The following CCR3 variants were observed in gnomAD, a reference collection of about 807,000 sequenced individuals.
CCR3 encodes the protein C-C motif chemokine receptor 3, also known as C-C chemokine receptor type 3.
For missense variants in CCR3, 419 were observed against 437.5 expected (o/e 0.96, Z 0.38); for synonymous variants, 203 against 179.2 (o/e 1.13, Z -1.06).
chr3:46,244,607 G>C (rs1051073110), intron 1 of CCR3, among the ~76,000 whole-genome samples: 1 of 152,212 alleles, frequency 6.6e-6, no homozygotes, highest in African/African-American at 2.4e-5. Flanking sequence ...TTTGAGCCAG[G>C]ATGAGCCAGG....
intron 1 of CCR3, chr3:46,264,241 G>A (rs777280971): frequency 9.2e-5 from 57 of 618,264 alleles, no homozygotes; most frequent in Non-Finnish European, 1.3e-4. Context: ...TTTGCTTTTT[G>A]CATGTTACCA....
intron 2 of CCR3, among the ~76,000 whole-genome samples, chr3:46,226,110 T>A (rs190694635): frequency 9.2e-5 from 14 of 152,334 alleles, no homozygotes; most frequent in African/African-American, 1.2e-4. Flanking sequence ...ATCAGGTAAG[T>A]GATTCCTCTC....
At chr3:46,255,151 T>C (rs1700395890) in intron 1 of CCR3, among the ~76,000 whole-genome samples, 1 of 152,186 alleles carries the variant, frequency 6.6e-6, no homozygotes. Flanking sequence ...ATTAGTGGTG[T>C]TGAGCATTTT....
intron 1 of CCR3, among the ~76,000 whole-genome samples, chr3:46,256,513 A>T (rs1280903663): frequency 2.0e-5 from 3 of 152,158 alleles, no homozygotes; most frequent in African/African-American, 7.2e-5. Flanking sequence ...CTATAGGTGG[A>T]TTTATTTTGA....
intron 2 of CCR3, among the ~76,000 whole-genome samples, chr3:46,226,435 C>T (rs1045597155): frequency 2.0e-5 from 3 of 152,154 alleles, no homozygotes; most frequent in East Asian, 3.8e-4. Context: ...CATCTAAAAG[C>T]TTTTTGGAGC....
intron 2 of CCR3, among the ~76,000 whole-genome samples, chr3:46,226,759 T>A (rs940739504): frequency 1.3e-5 from 2 of 152,104 alleles, no homozygotes; most frequent in African/African-American, 4.8e-5. Flanking sequence ...CTCCATCAAG[T>A]ATAATGTTTT....
rs200897117 is a variant in CCR3, at chr3:46,265,324, G to T, written c.166G>T (p.Val56Leu). 41 of 1,613,988 alleles carry T rather than the reference G, an allele frequency of 2.5e-5. No individual in the cohort carries two copies. Among genetic ancestry groups the T allele is most frequent in the Non-Finnish European group, 1.4e-5 (16 of 1,180,018 alleles). Residue 56 changes from valine (V) to leucine (L), a missense_variant, in exon 2 of 2, where the codon GTG (valine) becomes TTG (leucine). Physicochemically the swap from Val to Leu is conservative, Grantham distance 32. Coordinates refer to ENST00000395940, the MANE Select transcript of CCR3 (RefSeq NM_178329.3). ...TVGLLGNVVV[V>L]MILIKYRRLR... ...GGGCCTCTTGGGCAATGTGGTGGTG[G>T]TGATGATCCTCATAAAATACAGGAG...
chr3:46,261,862 C>T (rs1025144524), intron 1 of CCR3, among the ~76,000 whole-genome samples: 7 of 152,174 alleles, frequency 4.6e-5, no homozygotes, highest in East Asian at 1.9e-4. Flanking sequence ...CTGGTGGAGG[C>T]GTAGTGGTAA....
intron 2 of CCR3, among the ~76,000 whole-genome samples, chr3:46,224,325 G>A (rs112181701): frequency 0.099 from 15,123 of 152,044 alleles, 2,339 homozygotes; most frequent in African/African-American, 0.33. Context: ...GGCCAGGCAC[G>A]GTGGCTCACA....
chr3:46,222,989 G>A (rs1376610257), intron 2 of CCR3, among the ~76,000 whole-genome samples: 2 of 152,130 alleles, frequency 1.3e-5, no homozygotes, highest in African/African-American at 2.4e-5. Context: ...GTATATTAAG[G>A]AAGTGCTCTA....
At chr3:46,237,318 C>G (rs534762425) in intron 2 of CCR3, among the ~76,000 whole-genome samples, 1 of 152,256 alleles carries the variant, frequency 6.6e-6, no homozygotes, top group Admixed American at 6.5e-5. Flanking sequence ...TGCTTGAGGT[C>G]CTTGTACATA....
At position 46,214,922 on chromosome 3, in the gene CCR3, A is replaced by G. The variant is rs536946633; in HGVS notation, c.-68+4015A>G. Among the ~76,000 whole-genome samples the G allele has an allele frequency of 2.6e-5, 4 of 152,122 alleles. No individual in the cohort carries two copies. In the East Asian group the frequency reaches 7.7e-4, roughly 29 times the overall value. ...GTCCCTTCCTGTCCCCAAACACACAAGTTTCTGGGGTGGTTCCTGCTGGCA... is the reference window on the plus strand; with the variant it reads ...GTCCCTTCCTGTCCCCAAACACACAGGTTTCTGGGGTGGTTCCTGCTGGCA... On this transcript the variant is annotated intron_variant, in intron 2 of 3. Coordinates refer to the CCR3 transcript ENST00000357422.
chr3:46,213,684 A>C (rs1220750270), intron 2 of CCR3, among the ~76,000 whole-genome samples: 3 of 152,138 alleles, frequency 2.0e-5, no homozygotes, highest in African/African-American at 7.2e-5. Context: ...GAATCTTACT[A>C]TCACTAATAT....
chr3:46,240,911 G>A (rs1700074900), upstream of CCR3, among the ~76,000 whole-genome samples: 1 of 152,164 alleles, frequency 6.6e-6, no homozygotes, highest in Admixed American at 6.5e-5. Flanking sequence ...CTTACTATCA[G>A]TCGAAAATTT....
Position 46,242,963 on chromosome 3 carries a change from G to GTATATATATATATACACATATATA in CCR3, c.-12+439_-12+440insCACATATATATATATATATATATA, listed in dbSNP as rs1553644057. Reference sequence around the variant, plus strand: ...AAAATATAATTTTACATATATATGTGTATATATATATATATACACATATAT... The same window carrying GTATATATATATATACACATATATA: ...AAAATATAATTTTACATATATATGTGTATATATATATATACACATATATATATATATATATATATACACATATAT... On this transcript the variant is annotated intron_variant, in intron 1 of 1. Coordinates refer to ENST00000395940, the MANE Select transcript of CCR3 (RefSeq NM_178329.3). Among the ~76,000 whole-genome samples the GTATATATATATATACACATATATA allele has an allele frequency of 1.6e-3, 135 of 86,282 alleles. 2 individuals carry two copies. Among genetic ancestry groups the GTATATATATATATACACATATATA allele is most frequent in the East Asian group, 9.4e-3 (13 of 1,380 alleles). The allele number at this position is 86,282 out of a possible 152,430, so 56.6% of individuals were successfully genotyped here. A position where few individuals can be genotyped will look rare whatever the true frequency, so the allele number is the denominator to read the frequency against.
intron 1 of CCR3, among the ~76,000 whole-genome samples, chr3:46,246,787 C>A (rs567105194): frequency 6.6e-6 from 1 of 151,664 alleles, no homozygotes; most frequent in Admixed American, 6.6e-5. Context: ...GTTGGGGTGG[C>A]GAAAATTTTT....
At position 46,237,343 on chromosome 3, in the gene CCR3, A is replaced by G. The variant is rs541433795; in HGVS notation, c.-67-5059A>G. Among the ~76,000 whole-genome samples the G allele has an allele frequency of 4.6e-4, 70 of 152,292 alleles. 1 individual carries two copies. In the South Asian group the frequency reaches 0.014, roughly 30 times the overall value. ...CCTTGTACATATTCTGGATATTAGT[A>G]CTTGGGTGAATGGTTTGCATAGATT... On this transcript the variant is annotated intron_variant, in intron 2 of 3. Transcript: ENST00000357422.
chr3:46,248,248 G>A (rs891670851), intron 1 of CCR3, among the ~76,000 whole-genome samples: 5 of 152,180 alleles, frequency 3.3e-5, no homozygotes, highest in South Asian at 2.1e-4. Flanking sequence ...AGTGAGTACA[G>A]CTGAAGGAGC....
rs1575513647 is a variant in CCR3 at position 46,264,654 on chromosome 3, G to A, written c.-11-494G>A. ...ATAATGAATGGCTCATCATTATGGG[G>A]CCCTGGAGAAGCATAATTACTTGTA... On this transcript the variant is annotated intron_variant, in intron 1 of 1. Coordinates refer to ENST00000395940, the MANE Select transcript of CCR3 (RefSeq NM_178329.3). 5.8e-6 allele frequency: 3 copies of A among 521,672 alleles called. No homozygotes were observed. The East Asian group carries it at 1.1e-4, about 18-fold the overall frequency. The allele number at this position is 521,672 out of a possible 1,614,324, so 32.3% of individuals were successfully genotyped here.
Sources: gnomAD v4.1 joint callset for allele counts (sites outside exome capture counted in the v4.1 genomes callset) on GRCh38, gnomAD v4.1.1 for gene constraint, MANE v1.5 for transcripts, NCBI Gene and HGNC (gene_info 2026-07-23, HGNC 2026-07-21) for gene names.